The following HS3ST5 variants were observed in gnomAD, a reference collection of about 807,000 sequenced individuals.
The protein encoded by HS3ST5 is heparan sulfate-glucosamine 3-sulfotransferase 5.
A neutral mutation model predicts 25.4 loss-of-function variants in HS3ST5; 10 were observed. The observed-to-expected ratio is 0.39, with a 90% CI of 0.24 to 0.67. HS3ST5 has a LOEUF of 0.67. HS3ST5 is among the 30% of genes least tolerant of loss of function. The pLI, the probability that HS3ST5 is intolerant of heterozygous loss-of-function variation, is 0.44. For synonymous variants in HS3ST5, 170 were observed against 162.4 expected, an observed-to-expected ratio of 1.05 and a Z score of -0.36; for missense variants, 324 against 420.7, an observed-to-expected ratio of 0.77 and a Z score of 2.01.
At chr6:114,076,834 A>G (rs1406326289) in intron 3 of HS3ST5, among the ~76,000 whole-genome samples, 2 of 152,200 alleles carry the variant, frequency 1.3e-5, no homozygotes, top group African/African-American at 4.8e-5. Flanking sequence ...AGGAAAATGG[A>G]CACCATTTGT....
chr6:114,225,698 T>C (rs1771238985), intron 2 of HS3ST5, among the ~76,000 whole-genome samples: 1 of 151,906 alleles, frequency 6.6e-6, no homozygotes, highest in South Asian at 2.1e-4. Context: ...ATAATTGTCA[T>C]TGTGTTCCAT....
intron 1 of HS3ST5, among the ~76,000 whole-genome samples, chr6:114,313,584 G>A (rs1270935896): frequency 1.3e-5 from 2 of 152,158 alleles, no homozygotes; most frequent in African/African-American, 4.8e-5. Context: ...ATTTAGAAAT[G>A]ACGTTCTAGA....
At chr6:114,189,551 T>C (rs1417259576) in intron 2 of HS3ST5, among the ~76,000 whole-genome samples, 1 of 152,178 alleles carries the variant, frequency 6.6e-6, no homozygotes, top group Non-Finnish European at 1.5e-5. Flanking sequence ...ATCTCTTTAT[T>C]ATTTTGCTAT....
chr6:114,187,048 C>T (rs991901534), intron 2 of HS3ST5, among the ~76,000 whole-genome samples: 1 of 152,144 alleles, frequency 6.6e-6, no homozygotes, highest in Non-Finnish European at 1.5e-5. Flanking sequence ...AAAAAGATTC[C>T]TTCCAAAAGA....
At chr6:114,151,344 G>A (rs1470815421) in intron 3 of HS3ST5, among the ~76,000 whole-genome samples, 1 of 152,180 alleles carries the variant, frequency 6.6e-6, no homozygotes, top group African/African-American at 2.4e-5. Flanking sequence ...GCAGGTGTTT[G>A]ATTATTTATC....
chr6:114,316,316 T>C (rs1408989456), intron 1 of HS3ST5, among the ~76,000 whole-genome samples: 1 of 152,210 alleles, frequency 6.6e-6, no homozygotes, highest in Non-Finnish European at 1.5e-5. Context: ...CTTCCAACCA[T>C]ATCACTACCG....
chr6:114,191,596 A>AT (rs1780503649), intron 2 of HS3ST5, among the ~76,000 whole-genome samples: 1 of 152,162 alleles, frequency 6.6e-6, no homozygotes, highest in African/African-American at 2.4e-5. Context: ...CTTTATCTTC[A>AT]TTTCTGTTTC....
chr6:114,111,890 C>T (rs1776283851), intron 3 of HS3ST5, among the ~76,000 whole-genome samples: 2 of 152,124 alleles, frequency 1.3e-5, no homozygotes, highest in Non-Finnish European at 1.5e-5. Flanking sequence ...CCTATTCATC[C>T]AGTTCACTGA....
intron 1 of HS3ST5, among the ~76,000 whole-genome samples, chr6:114,315,896 G>C (rs1775727958): frequency 6.6e-6 from 1 of 151,974 alleles, no homozygotes; most frequent in Non-Finnish European, 1.5e-5. Flanking sequence ...CTCTCTTCTT[G>C]TCTGAGTTGT....
chr6:114,086,350 A>G (rs1361597234), intron 3 of HS3ST5, among the ~76,000 whole-genome samples: 1 of 152,206 alleles, frequency 6.6e-6, no homozygotes, highest in Admixed American at 6.5e-5. Flanking sequence ...GGATTAACAT[A>G]GTGTTGCTAG....
chr6:114,295,305 A>T (rs1317684692), intron 1 of HS3ST5, among the ~76,000 whole-genome samples: 1 of 152,224 alleles, frequency 6.6e-6, no homozygotes, highest in Non-Finnish European at 1.5e-5. Flanking sequence ...AAGTAATAAT[A>T]AATGTCTTTT....
At chr6:114,238,800 GC>G (rs1222254995) in intron 1 of HS3ST5, among the ~76,000 whole-genome samples, 1 of 152,046 alleles carries the variant, frequency 6.6e-6, no homozygotes, top group Non-Finnish European at 1.5e-5. Flanking sequence ...GTTCCCCACA[GC>G]CCCCGCCACC....
intron 1 of HS3ST5, among the ~76,000 whole-genome samples, chr6:114,331,085 G>A (rs888114847): frequency 6.6e-6 from 1 of 152,154 alleles, no homozygotes; most frequent in African/African-American, 2.4e-5. Context: ...AATATTAAAA[G>A]TATGTAGGGA....
chr6:114,101,183 A>C (rs960563250), intron 3 of HS3ST5, among the ~76,000 whole-genome samples: 38 of 152,354 alleles, frequency 2.5e-4, no homozygotes, highest in African/African-American at 8.7e-4. Context: ...ATAATGAATC[A>C]AATTCTTACA....
chr6:114,269,608 C>A (rs1337351021), intron 1 of HS3ST5, among the ~76,000 whole-genome samples: 3 of 152,126 alleles, frequency 2.0e-5, no homozygotes, highest in Admixed American at 2.0e-4. Flanking sequence ...CCAACATACT[C>A]AATTTTCTCT....
chr6:114,157,770 G>T (rs928330481), intron 3 of HS3ST5, among the ~76,000 whole-genome samples: 1 of 152,014 alleles, frequency 6.6e-6, no homozygotes, highest in African/African-American at 2.4e-5. Context: ...ATTACCCTCA[G>T]GATAAAGTCC....
At chr6:114,296,265 G>T (rs1056537973) in intron 1 of HS3ST5, among the ~76,000 whole-genome samples, 5 of 152,024 alleles carry the variant, frequency 3.3e-5, no homozygotes, top group Non-Finnish European at 5.9e-5. Flanking sequence ...TTTATAGAAT[G>T]CCACGTCATA....
intron 1 of HS3ST5, among the ~76,000 whole-genome samples, chr6:114,320,170 T>C (rs2114876004): frequency 6.6e-6 from 1 of 152,244 alleles, no homozygotes; most frequent in South Asian, 2.1e-4. Context: ...CTTTAATTCT[T>C]ACAATTAGAC....
intron 2 of HS3ST5, among the ~76,000 whole-genome samples, chr6:114,214,493 C>T (rs191608876): frequency 6.6e-6 from 1 of 152,314 alleles, no homozygotes; most frequent in African/African-American, 2.4e-5. Flanking sequence ...TATATTTCCT[C>T]ACTCTGTTGT....
Sources: gnomAD v4.1 joint callset for allele counts (sites outside exome capture counted in the v4.1 genomes callset) on GRCh38, gnomAD v4.1.1 for gene constraint, MANE v1.5 for transcripts, NCBI Gene and HGNC (gene_info 2026-07-23, HGNC 2026-07-21) for gene names.